MACROD2: variants seen among roughly 807,000 people sequenced by gnomAD.
MACROD2 encodes ADP-ribose glycohydrolase MACROD2.
MACROD2 carries 36 observed loss-of-function variants against 70.4 expected under a neutral mutation model. The observed-to-expected ratio is 0.51, with a 90% CI of 0.39 to 0.68. The LOEUF (loss-of-function observed/expected upper bound fraction) is 0.68. MACROD2 is among the 30% of genes least tolerant of loss of function. The pLI, the probability that MACROD2 is intolerant of heterozygous loss-of-function variation, is 0.00. For missense variants in MACROD2, 496 were observed against 538.4 expected (o/e 0.92, Z 0.78); for synonymous variants, 172 against 178.8 (o/e 0.96, Z 0.30).
chr20:14,471,016 C>T (rs886362343), intron 3 of MACROD2, among the ~76,000 whole-genome samples: 1 of 152,204 alleles, frequency 6.6e-6, no homozygotes, highest in Non-Finnish European at 1.5e-5. Context: ...CAAAAGGCCG[C>T]CCAGTTTTGT....
chr20:14,730,607 C>T (rs375767922), intron 5 of MACROD2, among the ~76,000 whole-genome samples: 1 of 152,200 alleles, frequency 6.6e-6, no homozygotes, highest in Non-Finnish European at 1.5e-5. Context: ...ACAGACCCTT[C>T]CAGAAGGAAT....
rs1350278149 is a variant in MACROD2 at position 15,131,468 on chromosome 20, T to C, written c.419-98472T>C. 4.6e-5 allele frequency among the ~76,000 whole-genome samples: 7 copies of C among 152,242 alleles called. No homozygotes were observed. In the East Asian group the frequency reaches 9.6e-4, roughly 21 times the overall value. On this transcript the variant is annotated intron_variant, in intron 5 of 17. Transcript: ENST00000684519. ...CAAGCTCAAAAGCAGAAACAGATTA[T>C]TTAATGATAAAACAGGGGATTACAT...
At chr20:14,036,141 C>CAAAA (rs1188474410) in intron 2 of MACROD2, among the ~76,000 whole-genome samples, 1 of 100,458 alleles carries the variant, frequency 1.0e-5, no homozygotes. Context: ...GACTCCGTCT[C>CAAAA]AAAAAAAAAA....
chr20:14,152,670 A>G (rs1328958013), intron 3 of MACROD2, among the ~76,000 whole-genome samples: 1 of 151,772 alleles, frequency 6.6e-6, no homozygotes, highest in Non-Finnish European at 1.5e-5. Flanking sequence ...CAGGTGATCC[A>G]CCCACCTCGG....
chr20:15,795,540 C>T (rs6131709), intron 8 of MACROD2, among the ~76,000 whole-genome samples: 69,575 of 151,748 alleles, frequency 0.46, 16,524 homozygotes, highest in African/African-American at 0.59. Flanking sequence ...GAATGCCAGC[C>T]GGGAATCATT....
At chr20:14,940,733 T>G (rs1394216542) in intron 5 of MACROD2, among the ~76,000 whole-genome samples, 1 of 152,180 alleles carries the variant, frequency 6.6e-6, no homozygotes, top group African/African-American at 2.4e-5. Context: ...CCTGCATCCC[T>G]GGGATGAATT....
chr20:15,925,853 A>AG (rs148601025), intron 10 of MACROD2, among the ~76,000 whole-genome samples: 2,737 of 152,306 alleles, frequency 0.018, 85 homozygotes, highest in African/African-American at 0.062. Context: ...TGATAGAGAT[A>AG]GGGCTGACAC....
intron 4 of MACROD2, among the ~76,000 whole-genome samples, chr20:14,663,414 A>C (rs1296373090): frequency 6.6e-6 from 1 of 151,872 alleles, no homozygotes; most frequent in African/African-American, 2.4e-5. Context: ...AATAATCTGT[A>C]CAACAAACCC....
chr20:15,711,998 C>T (rs1050016177), intron 8 of MACROD2, among the ~76,000 whole-genome samples: 1 of 152,118 alleles, frequency 6.6e-6, no homozygotes, highest in African/African-American at 2.4e-5. Context: ...GAAACTGTTT[C>T]TTTCTTCACT....
chr20:15,873,982 G>T (rs149379263), intron 9 of MACROD2, among the ~76,000 whole-genome samples: 1 of 151,908 alleles, frequency 6.6e-6, no homozygotes, highest in African/African-American at 2.4e-5. Flanking sequence ...TGTTACATAG[G>T]TATACATGTG....
rs546436853 is a variant in MACROD2, at chr20:15,095,242, AT to A, written c.419-134692del. Reference sequence around the variant, plus strand: ...CAGGCGCCCGCCACCACACCCGGCAATTTTTTGTATTTTTAGTAGAGATGGG... The same window carrying A: ...CAGGCGCCCGCCACCACACCCGGCAATTTTTGTATTTTTAGTAGAGATGGG... On this transcript the variant is annotated intron_variant, in intron 5 of 17. Transcript: ENST00000684519. Among the ~76,000 whole-genome samples, 29 of 150,670 alleles carry A rather than the reference AT, an allele frequency of 1.9e-4. No homozygotes were observed. The East Asian group carries it at 5.7e-3, about 30-fold the overall frequency.
chr20:14,682,459 T>C (rs2123590084), intron 4 of MACROD2, among the ~76,000 whole-genome samples: 1 of 151,066 alleles, frequency 6.6e-6, no homozygotes. Context: ...ATATATTACA[T>C]TACATATATA....
intron 5 of MACROD2, among the ~76,000 whole-genome samples, chr20:15,161,088 C>T (rs1229599678): frequency 6.6e-6 from 1 of 151,904 alleles, no homozygotes; most frequent in East Asian, 1.9e-4. Flanking sequence ...CCTGGTTTTG[C>T]CTCATTGCCA....
At chr20:15,348,908 C>G (rs1272767906) in intron 6 of MACROD2, among the ~76,000 whole-genome samples, 2 of 152,216 alleles carry the variant, frequency 1.3e-5, no homozygotes, top group East Asian at 3.9e-4. Flanking sequence ...GAAATAATCT[C>G]AGTGCCCTGG....
chr20:15,707,203 T>C (rs576520724), intron 8 of MACROD2, among the ~76,000 whole-genome samples: 1 of 152,304 alleles, frequency 6.6e-6, no homozygotes, highest in South Asian at 2.1e-4. Flanking sequence ...GAAACGAGTA[T>C]GAGGAATTTA....
intron 5 of MACROD2, among the ~76,000 whole-genome samples, chr20:14,772,484 A>C (rs1290467173): frequency 1.3e-5 from 2 of 152,038 alleles, no homozygotes; most frequent in Non-Finnish European, 2.9e-5. Context: ...CAGCAGGCAA[A>C]GAGAGAGCTT....
At chr20:14,087,419 T>C (rs953435702) in intron 3 of MACROD2, among the ~76,000 whole-genome samples, 3 of 151,638 alleles carry the variant, frequency 2.0e-5, no homozygotes, top group African/African-American at 7.3e-5. Flanking sequence ...AAGGATTGGA[T>C]GTCAGTTGCT....
chr20:14,064,046 A>G (rs2053724450), intron 2 of MACROD2, among the ~76,000 whole-genome samples: 1 of 152,166 alleles, frequency 6.6e-6, no homozygotes, highest in African/African-American at 2.4e-5. Flanking sequence ...CATTTTGAAT[A>G]AGGGATACTC....
intron 5 of MACROD2, among the ~76,000 whole-genome samples, chr20:15,140,346 G>C (rs1407833098): frequency 7.8e-6 from 1 of 127,938 alleles, no homozygotes; most frequent in Admixed American, 8.0e-5. Flanking sequence ...AGGCCTATCA[G>C]TACATTATAA....
Sources: gnomAD v4.1 joint callset for allele counts (sites outside exome capture counted in the v4.1 genomes callset) on GRCh38, gnomAD v4.1.1 for gene constraint, MANE v1.5 for transcripts, NCBI Gene and HGNC (gene_info 2026-07-23, HGNC 2026-07-21) for gene names.